The following MARCHF1 variants were observed in gnomAD, a reference collection of about 807,000 sequenced individuals.
The protein encoded by MARCHF1 is membrane associated ring-CH-type finger 1.
A neutral mutation model predicts 54.2 loss-of-function variants in MARCHF1; 40 were observed. The ratio of observed to expected loss-of-function variants is 0.74; its 90% CI spans 0.57 to 0.96. MARCHF1 has a LOEUF of 0.96. Ranked by LOEUF, MARCHF1 falls within the 40% of genes least tolerant of loss-of-function variation. The pLI, the probability that MARCHF1 is intolerant of heterozygous loss-of-function variation, is 0.00. For missense variants in MARCHF1, 586 were observed against 656.5 expected, an observed-to-expected ratio of 0.89 and a Z score of 1.17; for synonymous variants, 236 against 236.3, an observed-to-expected ratio of 1.00 and a Z score of 0.01.
intron 1 of MARCHF1, among the ~76,000 whole-genome samples, chr4:164,191,352 C>T (rs1218313523): frequency 6.6e-6 from 1 of 152,154 alleles, no homozygotes; most frequent in African/African-American, 2.4e-5. Context: ...TGTTAGAATA[C>T]ATATTAGAAA....
chr4:163,716,667 G>A (rs949496796), intron 4 of MARCHF1, among the ~76,000 whole-genome samples: 4 of 152,158 alleles, frequency 2.6e-5, no homozygotes, highest in Non-Finnish European at 5.9e-5. Context: ...GTGCTTCAGG[G>A]ACCAGTGCCA....
At chr4:163,687,490 T>A (rs1306687669) in intron 5 of MARCHF1, among the ~76,000 whole-genome samples, 1 of 152,276 alleles carries the variant, frequency 6.6e-6, no homozygotes, top group East Asian at 1.9e-4. Context: ...GTACAAAAGA[T>A]CTTTGCTGAA....
At chr4:164,070,769 T>G (rs547967775) in intron 2 of MARCHF1, among the ~76,000 whole-genome samples, 1 of 152,360 alleles carries the variant, frequency 6.6e-6, no homozygotes, top group South Asian at 2.1e-4. Context: ...TCAGGTTAAA[T>G]GCCTCAATTC....
chr4:164,302,278 TA>T (rs1421308548), intron 1 of MARCHF1, among the ~76,000 whole-genome samples: 1 of 152,246 alleles, frequency 6.6e-6, no homozygotes, highest in Non-Finnish European at 1.5e-5. Flanking sequence ...GGCTATTTTT[TA>T]TACCTGATTC....
intron 3 of MARCHF1, among the ~76,000 whole-genome samples, chr4:163,865,455 T>A (rs927664863): frequency 3.3e-5 from 5 of 151,900 alleles, no homozygotes; most frequent in Non-Finnish European, 2.9e-5. Flanking sequence ...GCCTGCATCT[T>A]AAAAGCCATT....
chr4:164,333,193 TAATA>T (rs1729615237), intron 1 of MARCHF1, among the ~76,000 whole-genome samples: 2 of 152,308 alleles, frequency 1.3e-5, no homozygotes, highest in Non-Finnish European at 2.9e-5. Context: ...AGACTTTACA[TAATA>T]AAGATGTAAT....
chr4:163,946,132 C>T (rs892702501), intron 3 of MARCHF1, among the ~76,000 whole-genome samples: 1 of 152,128 alleles, frequency 6.6e-6, no homozygotes, highest in Non-Finnish European at 1.5e-5. Flanking sequence ...ACATATCTGG[C>T]ATCACTCTGG....
Position 164,067,337 on chromosome 4 carries a change from A to G in MARCHF1, c.-248+44251T>C, listed in dbSNP as rs987459002. Among the ~76,000 whole-genome samples the G allele has an allele frequency of 5.3e-5, 8 of 152,336 alleles. No individual in the cohort carries two copies. In the East Asian group the frequency reaches 1.5e-3, roughly 29 times the overall value. ...ACACTACCTGACTTTAAACTATACT[A>G]TAAGGCTAGAGTAAACAAAACAGCA... On this transcript the variant is annotated intron_variant, in intron 2 of 9. Coordinates refer to ENST00000514618, the MANE Select transcript of MARCHF1 (RefSeq NM_001394959.1).
intron 1 of MARCHF1, among the ~76,000 whole-genome samples, chr4:164,364,077 G>C (rs997075181): frequency 6.6e-6 from 1 of 152,008 alleles, no homozygotes; most frequent in African/African-American, 2.4e-5. Flanking sequence ...AGGAAATGTA[G>C]CAGCCTTATT....
intron 2 of MARCHF1, among the ~76,000 whole-genome samples, chr4:164,099,795 T>C (rs1209876889): frequency 1.3e-5 from 2 of 152,152 alleles, no homozygotes; most frequent in African/African-American, 4.8e-5. Context: ...CAAAAATATA[T>C]GTATAAATGC....
Position 163,733,149 on chromosome 4 carries a change from T to TTCTCTCTCTC in MARCHF1, c.112-32296_112-32287dup, listed in dbSNP as rs377396807. Reference sequence around the variant, plus strand: ...CCTGGGTGACAGAGCAAGACTCCATTTCTCTCTCTCTCTCTCTCTGTATGT... The same window carrying TTCTCTCTCTC: ...CCTGGGTGACAGAGCAAGACTCCATTTCTCTCTCTCTCTCTCTCTCTCTCTCTCTGTATGT... On this transcript the variant is annotated intron_variant, in intron 4 of 9. Coordinates refer to ENST00000514618, the MANE Select transcript of MARCHF1 (RefSeq NM_001394959.1). 3.2e-5 allele frequency among the ~76,000 whole-genome samples: 2 copies of TTCTCTCTCTC among 62,566 alleles called. 1 individual carries two copies. The highest frequency in any genetic ancestry group is 1.1e-4 in the African/African-American group (2 of 18,708). 41.0% of individuals were successfully genotyped at this position (62,566 alleles called of 152,430 possible).
intron 1 of MARCHF1, among the ~76,000 whole-genome samples, chr4:164,178,919 A>G (rs1012665236): frequency 1.3e-5 from 2 of 152,168 alleles, no homozygotes; most frequent in Non-Finnish European, 2.9e-5. Flanking sequence ...CTTGCATCAT[A>G]GTTGTTGGTC....
rs956830952 is a variant in MARCHF1, at chr4:163,527,657, A to AATT, written c.*1088_*1090dup. The stretch of plus-strand genomic sequence containing the variant: ...TTTGTGACTTTGAAATAAAAGAATG[A>AATT]ATTAAACTGTTTTGAAATACTCAAC... On this transcript the variant is annotated 3_prime_UTR_variant, in exon 10 of 10. Coordinates refer to ENST00000514618, the MANE Select transcript of MARCHF1 (RefSeq NM_001394959.1). 2.6e-4 allele frequency: 39 copies of AATT among 152,100 alleles called. No homozygotes were observed. Among genetic ancestry groups the AATT allele is most frequent in the African/African-American group, 9.4e-4 (39 of 41,538 alleles). 9.4% of individuals were successfully genotyped at this position (152,100 alleles called of 1,614,324 possible).
intron 3 of MARCHF1, among the ~76,000 whole-genome samples, chr4:163,984,167 C>G (rs1752817069): frequency 6.6e-6 from 1 of 151,738 alleles, no homozygotes; most frequent in Admixed American, 6.6e-5. Flanking sequence ...GGCCCATGAG[C>G]TATCATTGGA....
At chr4:163,720,989 C>T (rs1745434840) in intron 4 of MARCHF1, among the ~76,000 whole-genome samples, 1 of 152,176 alleles carries the variant, frequency 6.6e-6, no homozygotes, top group South Asian at 2.1e-4. Flanking sequence ...GACAATTTGA[C>T]TTCCTCTTTT....
At chr4:163,664,687 C>T (rs1743469636) in intron 5 of MARCHF1, among the ~76,000 whole-genome samples, 1 of 151,900 alleles carries the variant, frequency 6.6e-6, no homozygotes, top group Non-Finnish European at 1.5e-5. Context: ...ATATATAGGG[C>T]TTAGGACAGA....
At chr4:164,010,107 T>C (rs940647081) in intron 2 of MARCHF1, among the ~76,000 whole-genome samples, 2 of 139,504 alleles carry the variant, frequency 1.4e-5, no homozygotes, top group African/African-American at 2.7e-5. Context: ...CATTCTGCCA[T>C]GCAGGCTGGA....
chr4:164,254,235 A>G (rs996115866), intron 1 of MARCHF1, among the ~76,000 whole-genome samples: 7 of 151,702 alleles, frequency 4.6e-5, no homozygotes, highest in Non-Finnish European at 8.8e-5. Flanking sequence ...TATTTTTAGT[A>G]GAGATGGGAT....
At chr4:163,873,050 A>AAAAC (rs1227154097) in intron 3 of MARCHF1, among the ~76,000 whole-genome samples, 3 of 150,524 alleles carry the variant, frequency 2.0e-5, no homozygotes, top group African/African-American at 4.9e-5. Flanking sequence ...TCTCAAAAAA[A>AAAAC]AAACAAACAA....
Sources: gnomAD v4.1 joint callset for allele counts (sites outside exome capture counted in the v4.1 genomes callset) on GRCh38, gnomAD v4.1.1 for gene constraint, MANE v1.5 for transcripts, NCBI Gene and HGNC (gene_info 2026-07-23, HGNC 2026-07-21) for gene names.